The following FAM221A variants were observed in gnomAD, a reference collection of about 807,000 sequenced individuals.
FAM221A encodes the protein protein FAM221A.
FAM221A carries 43 observed loss-of-function variants against 37.6 expected under a neutral mutation model. That is an observed-to-expected ratio of 1.15 (90% CI 0.90 to 1.48). The LOEUF is 1.48. Ranked by LOEUF, FAM221A falls within the 40% of genes most tolerant of loss-of-function variation. The pLI is 0.00. For synonymous variants in FAM221A, 135 were observed against 132.9 expected (o/e 1.02, Z -0.11); for missense variants, 361 against 361.5 (o/e 1.00, Z 0.01).
intron 4 of FAM221A, among the ~76,000 whole-genome samples, 163 bp from the exon 5 acceptor site, chr7:23,698,029 G>A (rs80294482): frequency 0.016 from 2,360 of 151,982 alleles, 28 homozygotes; most frequent in Non-Finnish European, 0.024. Context: ...CAAAGTGTTG[G>A]CATTACAGGC....
At chr7:23,686,711 C>G (rs1584257238) in intron 2 of FAM221A, 1 of 151,572 alleles carries the variant, frequency 6.6e-6, no homozygotes, top group Non-Finnish European at 1.5e-5. Context: ...AGAATATATT[C>G]TATATACAAT....
chr7:23,697,205 C>T lies in FAM221A; in HGVS notation c.638-987C>T, dbSNP rs531661424. On this transcript the variant is annotated intron_variant, in intron 4 of 6. Coordinates refer to ENST00000344962, the MANE Select transcript of FAM221A (RefSeq NM_199136.5). Reference sequence around the variant, plus strand: ...CAGAGCCCCTTCTCCCATGTTCCCACATGCCCCATGGAAGCCACTGGGGCC... The same window carrying T: ...CAGAGCCCCTTCTCCCATGTTCCCATATGCCCCATGGAAGCCACTGGGGCC... 1.4e-3 allele frequency among the ~76,000 whole-genome samples: 219 copies of T among 152,370 alleles called. 1 individual carries two copies. Among genetic ancestry groups the T allele is most frequent in the Middle Eastern group, 0.01 (3 of 294 alleles).
chr7:23,702,286 T>C lies in FAM221A; in HGVS notation c.*122T>C. The C allele has an allele frequency of 1.8e-6, 1 of 545,308 alleles. No homozygotes were observed. Among genetic ancestry groups the C allele is most frequent in the Non-Finnish European group, 3.0e-6 (1 of 333,954 alleles). 33.8% of individuals were successfully genotyped at this position (545,308 alleles called of 1,614,324 possible). On this transcript the variant is annotated 3_prime_UTR_variant, in exon 7 of 7. Coordinates refer to ENST00000344962, the MANE Select transcript of FAM221A (RefSeq NM_199136.5). Reference sequence around the variant, plus strand: ...TTTTTTTTACTGTATAAATGTCTTTTGGGATGTTTCCTTAATTTATTTAAA... The same window carrying C: ...TTTTTTTTACTGTATAAATGTCTTTCGGGATGTTTCCTTAATTTATTTAAA...
intron 4 of FAM221A, 24 bp downstream of exon 4, chr7:23,691,620 G>A: frequency 6.3e-7 from 1 of 1,595,524 alleles, no homozygotes. Context: ...TATGAAATGT[G>A]AGCCCATTGT....
intron 4 of FAM221A, chr7:23,692,292 T>C (rs1226892753): frequency 3.0e-6 from 2 of 663,052 alleles, no homozygotes; most frequent in Non-Finnish European, 3.7e-6. Context: ...AACAAGCATG[T>C]ATTTTTTCAT....
At position 23,701,226 on chromosome 7, in the gene FAM221A, A is replaced by AT. The variant is rs1785409486; in HGVS notation, c.828+362dup. ...TATTTGCCAAATAAAGATTGAATAT[A>AT]TTTTGAATTCTCTTTTTTTTTTTTT... is the stretch of plus-strand genomic sequence containing the variant. On this transcript the variant is annotated intron_variant, in intron 6 of 6. Coordinates refer to ENST00000344962, the MANE Select transcript of FAM221A (RefSeq NM_199136.5). Among the ~76,000 whole-genome samples, 4 of 140,878 alleles carry AT rather than the reference A, an allele frequency of 2.8e-5. No homozygotes were observed. In the South Asian group the frequency reaches 8.9e-4, roughly 31 times the overall value. 92.4% of individuals were successfully genotyped at this position (140,878 alleles called of 152,430 possible). A position where few individuals can be genotyped will look rare whatever the true frequency, so the allele number is the denominator to read the frequency against.
At chr7:23,697,785 T>C (rs1351296808) in intron 4 of FAM221A, among the ~76,000 whole-genome samples, 1 of 152,228 alleles carries the variant, frequency 6.6e-6, no homozygotes. Flanking sequence ...TCTCACAGTG[T>C]TGCCCAGGCC....
intron 4 of FAM221A, chr7:23,694,587 A>G (rs868280015): frequency 2.0e-5 from 3 of 152,354 alleles, no homozygotes; most frequent in Admixed American, 6.5e-5. Context: ...TTTGAACCAC[A>G]TCACTTAATC....
chr7:23,693,804 A>G (rs1051030187), intron 4 of FAM221A: 2 of 152,128 alleles, frequency 1.3e-5, no homozygotes, highest in African/African-American at 4.8e-5. Flanking sequence ...TTCTTGCCCA[A>G]ATCATTTGAA....
At chr7:23,700,700 C>T (rs938882905) in intron 5 of FAM221A, 86 bp from the exon 6 acceptor site, 14 of 802,726 alleles carry the variant, frequency 1.7e-5, no homozygotes, top group African/African-American at 3.5e-5. Context: ...ACATTATCAC[C>T]GAGCAGGAGA....
chr7:23,688,165 C>G (rs1232067058), intron 2 of FAM221A: 3 of 152,168 alleles, frequency 2.0e-5, no homozygotes, highest in Non-Finnish European at 4.4e-5. Context: ...CTGCTTCAGC[C>G]TCCCAAGTAG....
At chr7:23,693,156 G>C (rs985134939) in intron 4 of FAM221A, 2 of 152,120 alleles carry the variant, frequency 1.3e-5, no homozygotes, top group Admixed American at 6.6e-5. Flanking sequence ...GCATGAATTT[G>C]ACTCTAAGGT....
intron 4 of FAM221A, among the ~76,000 whole-genome samples, chr7:23,691,964 T>A (rs1041296044): frequency 2.0e-5 from 3 of 152,220 alleles, no homozygotes; most frequent in Non-Finnish European, 4.4e-5. Flanking sequence ...GTTTACCTGT[T>A]ACTCTACTGT....
In FAM221A at chr7:23,684,171, T is replaced by G. The variant is rs538368313; in HGVS notation, c.66-328T>G. ...CTTCAGACCCCCAGTAAAACTTGTT[T>G]AGTCCCAAACGGGTCCTTTAAGAAT... On this transcript the variant is annotated intron_variant, in intron 1 of 6. Coordinates refer to ENST00000344962, the MANE Select transcript of FAM221A (RefSeq NM_199136.5). 1.9e-4 allele frequency among the ~76,000 whole-genome samples: 29 copies of G among 151,588 alleles called. No individual in the cohort carries two copies. The East Asian group carries it at 5.4e-3, about 28-fold the overall frequency.
At chr7:23,684,746 G>A (rs2128035982) in intron 2 of FAM221A, 74 bp downstream of exon 2, 4 of 1,282,556 alleles carry the variant, frequency 3.1e-6, no homozygotes, top group African/African-American at 1.5e-5. Context: ...TCTACAAATC[G>A]TAATGATTGA....
At chr7:23,691,730 T>C (rs1268357993) in intron 4 of FAM221A, 134 bp downstream of exon 4, 14 of 809,702 alleles carry the variant, frequency 1.7e-5, no homozygotes, top group East Asian at 1.4e-4. Context: ...ATTTTTATTT[T>C]TTAAAAGAGG....
chr7:23,693,219 C>T (rs1459441637), intron 4 of FAM221A: 1 of 152,188 alleles, frequency 6.6e-6, no homozygotes, highest in Non-Finnish European at 1.5e-5. Context: ...AATTCTAATA[C>T]ATTCTGCCAG....
chr7:23,681,357 T>G (rs1784026869), intron 1 of FAM221A, among the ~76,000 whole-genome samples: 1 of 152,210 alleles, frequency 6.6e-6, no homozygotes, highest in South Asian at 2.1e-4. Flanking sequence ...AGTTGACTCT[T>G]GCCTAGCTCC....
At chr7:23,682,984 C>T (rs544727665) in intron 1 of FAM221A, among the ~76,000 whole-genome samples, 1 of 152,002 alleles carries the variant, frequency 6.6e-6, no homozygotes. Flanking sequence ...GTAAAGAAGG[C>T]GGTTTTGATT....
Sources: allele counts gnomAD v4.1 joint callset (sites outside exome capture counted in the v4.1 genomes callset), GRCh38; gene constraint gnomAD v4.1.1; transcripts MANE v1.5; gene names NCBI Gene and HGNC (gene_info 2026-07-23, HGNC 2026-07-21).